TACC3: variants seen among roughly 807,000 people sequenced by gnomAD.
TACC3 encodes transforming acidic coiled-coil containing protein 3, also known as transforming acidic coiled-coil-containing protein 3.
TACC3 carries 52 observed loss-of-function variants against 86.0 expected under a neutral mutation model. That is an observed-to-expected ratio of 0.60 (90% CI 0.48 to 0.76). The LOEUF is 0.76. Among genes scored for constraint, TACC3 ranks in the 30% least tolerant of loss-of-function variants. The pLI, the probability that TACC3 is intolerant of heterozygous loss-of-function variation, is 0.00. For synonymous variants in TACC3, 512 were observed against 430.0 expected (o/e 1.19, Z -2.36); for missense variants, 1,120 against 1,070.4 (o/e 1.05, Z -0.65).
intron 5 of TACC3, 40 bp downstream of exon 5, chr4:1,731,002 G>A (rs1238139365): frequency 1.2e-6 from 2 of 1,611,910 alleles, no homozygotes; most frequent in Admixed American, 3.3e-5. Context: ...TCCTGGCCTG[G>A]TCGTGTAGAA....
At chr4:1,739,666 C>T (rs1174009240) in intron 10 of TACC3, 36 bp from the exon 11 acceptor site, 1 of 1,552,332 alleles carries the variant, frequency 6.4e-7, no homozygotes, top group East Asian at 2.4e-5. Flanking sequence ...GTCAGTCTGG[C>T]CCGCCTGCCT....
chr4:1,735,186 C>T lies in TACC3; in HGVS notation c.1592-87C>T. The stretch of plus-strand genomic sequence containing the variant: ...ATACTGCTGGCTGGAATGATCCTGC[C>T]TCACTGAGTGCTGAGGGAGACACCA... On this transcript the variant is annotated intron_variant, in intron 6 of 15. Coordinates refer to ENST00000313288, the MANE Select transcript of TACC3 (RefSeq NM_006342.3). The surrounding 1 kb of genome is among the most constrained non-coding windows in gnomAD (Gnocchi z 4.2). 2 of 1,541,898 alleles carry T rather than the reference C, an allele frequency of 1.3e-6. No homozygotes were observed. The highest frequency in any genetic ancestry group is 1.7e-4 in the Middle Eastern group (1 of 5,864).
chr4:1,730,736 G>T, intron 4 of TACC3, 151 bp from the exon 5 acceptor site: 1 of 921,540 alleles, frequency 1.1e-6, no homozygotes, highest in Non-Finnish European at 1.8e-6. Flanking sequence ...CAGGTCGCTT[G>T]GGACAGCCCC....
At position 1,728,244 on chromosome 4, in the gene TACC3, C is replaced by A; in HGVS notation, c.842C>A (p.Thr281Asn). The A allele has an allele frequency of 6.2e-7, 1 of 1,612,432 alleles. No homozygotes were observed. Residue 281 changes from threonine (T) to asparagine (N), a missense_variant, in exon 4 of 16, where the codon ACC becomes AAC. Thr to Asn is a moderately conservative substitution (Grantham distance 65). Transcript: ENST00000313288. ...CTGGGCTGCCCTGCGGGTGTGGGCACCCCCGTGCCAGCAGATGGCACTCAG... is the reference window on the plus strand; with the variant it reads ...CTGGGCTGCCCTGCGGGTGTGGGCAACCCCGTGCCAGCAGATGGCACTCAG... Reference protein sequence around the residue: ...EALGCPAGVGTPVPADGTQTL... With the variant: ...EALGCPAGVGNPVPADGTQTL...
intron 3 of TACC3, among the ~76,000 whole-genome samples, 175 bp downstream of exon 3, chr4:1,724,045 T>G (rs1054819129): frequency 2.6e-5 from 4 of 152,152 alleles, no homozygotes; most frequent in Non-Finnish European, 5.9e-5. Context: ...GTCCGCTCAC[T>G]GCAAGCTCCG....
intron 3 of TACC3, among the ~76,000 whole-genome samples, chr4:1,725,396 G>T (rs1046410808): frequency 1.3e-5 from 2 of 152,244 alleles, no homozygotes; most frequent in East Asian, 1.9e-4. Flanking sequence ...TACCCCTCCA[G>T]CCTGAATTTG....
chr4:1,728,559 G>A lies in TACC3; in HGVS notation c.1157G>A (p.Gly386Asp). 1 of 1,613,978 alleles carries A rather than the reference G, an allele frequency of 6.2e-7. No homozygotes were observed. Among genetic ancestry groups the A allele is most frequent in the Non-Finnish European group, 8.5e-7 (1 of 1,179,954 alleles). ...CCGCAGGAGGTGGAGGAGGACGACGGTAGGAGCGGAGCAGGAGAGGACCCC... is the reference window on the plus strand; with the variant it reads ...CCGCAGGAGGTGGAGGAGGACGACGATAGGAGCGGAGCAGGAGAGGACCCC... ...KAPQEVEEDD[G>D]RSGAGEDPPM... The change falls in exon 4 of 16, where the codon GGT becomes GAT. Residue 386 changes from glycine (G) to aspartate (D), a missense_variant. Coordinates refer to ENST00000313288, the MANE Select transcript of TACC3 (RefSeq NM_006342.3).
At position 1,739,797 on chromosome 4, in the gene TACC3, C is replaced by T. The variant is rs2108714990; in HGVS notation, c.2018+19C>T. On this transcript the variant is annotated intron_variant, in intron 11 of 15. Transcript: ENST00000313288. ...AACTGGGGTAAGGAGGCCCCGTCTC[C>T]TGTCCTCCCCGTCCCCATCCCCCTC... 2.5e-6 allele frequency: 4 copies of T among 1,577,532 alleles called. No individual in the cohort carries two copies. Among genetic ancestry groups the T allele is most frequent in the Non-Finnish European group, 3.4e-6 (4 of 1,162,212 alleles).
At position 1,740,807 on chromosome 4, in the gene TACC3, T is replaced by C. The variant is rs1718558113; in HGVS notation, c.2063-19T>C. On this transcript the variant is annotated intron_variant, in intron 12 of 15. Transcript: ENST00000313288. The stretch of plus-strand genomic sequence containing the variant: ...TCGGTTGCCTCCTCATCCTGAACGT[T>C]TGCTTTTCTTTTCTCAAGAGGAAGT... The C allele has an allele frequency of 6.2e-7, 1 of 1,601,166 alleles. No homozygotes were observed. Among genetic ancestry groups the C allele is most frequent in the Admixed American group, 1.8e-5 (1 of 57,022 alleles).
At chr4:1,744,317 G>A (rs903137623) in intron 13 of TACC3, 124 of 577,056 alleles carry the variant, frequency 2.1e-4, no homozygotes, top group Middle Eastern at 4.7e-4. Context: ...TCAGGGTGGA[G>A]AGCCAGGGCT....
chr4:1,738,254 G>A (rs564141630), intron 10 of TACC3: 1 of 260,318 alleles, frequency 3.8e-6, no homozygotes, highest in Non-Finnish European at 7.7e-6. Flanking sequence ...ACCGTCGCCA[G>A]ATGGTCCCCA....
chr4:1,737,591 C>A lies in TACC3; in HGVS notation c.1837-7C>A. ...ATGGGTTCCTGTTTCATCCCCATCT[C>A]CCGCAGGTGCCAGGCCCACCCCCAG... is the stretch of plus-strand genomic sequence containing the variant. On this transcript the variant is annotated splice_region_variant and splice_polypyrimidine_tract_variant and intron_variant, in intron 9 of 15. Coordinates refer to ENST00000313288, the MANE Select transcript of TACC3 (RefSeq NM_006342.3). 6.7e-7 allele frequency: 1 copy of A among 1,499,532 alleles called. No individual in the cohort carries two copies. The highest frequency in any genetic ancestry group is 8.9e-7 in the Non-Finnish European group (1 of 1,119,494). The allele number at this position is 1,499,532 out of a possible 1,614,324, so 92.9% of individuals were successfully genotyped here.
chr4:1,732,523 GT>G (rs1187669183), intron 6 of TACC3, among the ~76,000 whole-genome samples: 1 of 152,254 alleles, frequency 6.6e-6, no homozygotes, highest in Non-Finnish European at 1.5e-5. Flanking sequence ...TGATGGCTGA[GT>G]TGTTTTAAAG....
In TACC3 at chr4:1,737,712, C is replaced by T; in HGVS notation, c.1941+10C>T. 1 of 1,550,212 alleles carries T rather than the reference C, an allele frequency of 6.5e-7. No homozygotes were observed. Among genetic ancestry groups the T allele is most frequent in the Non-Finnish European group, 8.7e-7 (1 of 1,146,272 alleles). ...GGACCTGGATGCAGTGGTAAGGACG[C>T]AGGTAGTAGCTATTCCACAGAACCT... On this transcript the variant is annotated intron_variant, in intron 10 of 15. Coordinates refer to ENST00000313288, the MANE Select transcript of TACC3 (RefSeq NM_006342.3).
intron 14 of TACC3, 34 bp downstream of exon 14, chr4:1,744,658 G>GA: frequency 1.9e-6 from 3 of 1,612,202 alleles, no homozygotes; most frequent in East Asian, 2.2e-5. Flanking sequence ...CCTGGAGGGA[G>GA]AATCTGAGCA....
chr4:1,736,596 GA>G (rs1439264321), intron 8 of TACC3, among the ~76,000 whole-genome samples: 4 of 152,054 alleles, frequency 2.6e-5, no homozygotes, highest in Non-Finnish European at 4.4e-5. Context: ...TAGTGTGACA[GA>G]GGCTGTGTGG....
chr4:1,740,184 G>C, intron 12 of TACC3, 182 bp downstream of exon 12: 1 of 633,868 alleles, frequency 1.6e-6, no homozygotes, highest in Non-Finnish European at 2.7e-6. Context: ...GAAGCTGGTG[G>C]TAGTGAGGCT....
intron 14 of TACC3, 27 bp from the exon 15 acceptor site, chr4:1,744,685 G>A (rs1560331081): frequency 1.2e-6 from 2 of 1,612,114 alleles, no homozygotes; most frequent in South Asian, 1.1e-5. Flanking sequence ...CCCCAGCTCA[G>A]CCTCTGCCCC....
chr4:1,740,460 G>A, intron 12 of TACC3: 2 of 307,096 alleles, frequency 6.5e-6, no homozygotes, highest in Admixed American at 9.4e-5. Context: ...GCCGGCGGCA[G>A]GTGACCGCCT....
Sources: gnomAD v4.1 joint callset for allele counts (sites outside exome capture counted in the v4.1 genomes callset) on GRCh38, gnomAD v4.1.1 for gene constraint, Gnocchi (gnomAD v3.1) non-coding constraint, MANE v1.5 for transcripts, NCBI Gene and HGNC (gene_info 2026-07-23, HGNC 2026-07-21) for gene names.